EDIL3: variants seen among roughly 807,000 people sequenced by gnomAD.
The protein encoded by EDIL3 is EGF like and discoidin domains 3.
EDIL3 carries 37 observed loss-of-function variants against 67.4 expected under a neutral mutation model. That is an observed-to-expected ratio of 0.55 (90% CI 0.42 to 0.72). EDIL3 has a LOEUF of 0.72. EDIL3 is among the 30% of genes least tolerant of loss of function. The pLI is 0.00. For missense variants in EDIL3, 527 were observed against 586.3 expected (o/e 0.90, Z 1.04); for synonymous variants, 195 against 196.3 (o/e 0.99, Z 0.05).
intron 9 of EDIL3, among the ~76,000 whole-genome samples, chr5:84,024,652 G>A (rs1745779981): frequency 6.6e-6 from 1 of 152,104 alleles, no homozygotes; most frequent in Admixed American, 6.6e-5. Context: ...TCTGACTTGG[G>A]GTCCAAGTAG....
At chr5:84,142,826 C>A (rs142180096) in intron 4 of EDIL3, among the ~76,000 whole-genome samples, 34 of 147,092 alleles carry the variant, frequency 2.3e-4, no homozygotes, top group Non-Finnish European at 4.1e-4. Context: ...GGTGCCCCCC[C>A]CCCCAAGCTT....
chr5:84,346,991 T>G (rs192182501), intron 1 of EDIL3, among the ~76,000 whole-genome samples: 10 of 152,276 alleles, frequency 6.6e-5, no homozygotes, highest in Non-Finnish European at 1.5e-4. Context: ...TTAGTTTAAA[T>G]TTTTTTCTGC....
At chr5:83,949,409 T>G (rs543980336) in intron 10 of EDIL3, among the ~76,000 whole-genome samples, 1 of 151,962 alleles carries the variant, frequency 6.6e-6, no homozygotes, top group East Asian at 2.0e-4. Context: ...ATGTCCCAGT[T>G]TGTGAAAATA....
intron 9 of EDIL3, among the ~76,000 whole-genome samples, chr5:84,034,476 G>T (rs1745983055): frequency 6.6e-6 from 1 of 152,098 alleles, no homozygotes; most frequent in South Asian, 2.1e-4. Context: ...GTGTAGTCAT[G>T]AAAATAATCA....
intron 1 of EDIL3, among the ~76,000 whole-genome samples, chr5:84,384,033 TG>T (rs1748160055): frequency 6.6e-6 from 1 of 152,110 alleles, no homozygotes; most frequent in African/African-American, 2.4e-5. Flanking sequence ...TCGCTGGTCC[TG>T]GGGACGCTGT....
At chr5:84,088,599 T>C (rs1289772838) in intron 6 of EDIL3, among the ~76,000 whole-genome samples, 2 of 152,190 alleles carry the variant, frequency 1.3e-5, no homozygotes, top group Admixed American at 6.5e-5. Context: ...TAGTTTTTCT[T>C]TTTTTAATCT....
intron 5 of EDIL3, among the ~76,000 whole-genome samples, chr5:84,116,131 T>C (rs917116990): frequency 1.3e-5 from 2 of 151,664 alleles, no homozygotes; most frequent in African/African-American, 4.8e-5. Context: ...AATGTAGTTA[T>C]CTTTTCTTCA....
intron 1 of EDIL3, among the ~76,000 whole-genome samples, chr5:84,262,658 G>GTTTTTTTTTTTTTTTTTTT (rs1561238679): frequency 2.8e-5 from 1 of 35,480 alleles, no homozygotes; most frequent in Non-Finnish European, 6.0e-5. Context: ...AAGGTTGGTT[G>GTTTTTTTTTTTTTTTTTTT]GTTTTTTTTT....
chr5:84,217,198 C>G (rs1744243427), intron 3 of EDIL3, among the ~76,000 whole-genome samples: 1 of 150,300 alleles, frequency 6.7e-6, no homozygotes, highest in South Asian at 2.1e-4. Flanking sequence ...ATGAATCCAG[C>G]TAATGCAGGG....
intron 1 of EDIL3, 151 bp downstream of exon 1, chr5:84,384,157 G>T: frequency 1.1e-6 from 1 of 917,928 alleles, no homozygotes; most frequent in East Asian, 2.6e-5. Context: ...CACTTTCTCG[G>T]GGCACCCAGG....
chr5:84,088,253 A>G (rs1013346210), intron 6 of EDIL3, among the ~76,000 whole-genome samples: 2 of 152,214 alleles, frequency 1.3e-5, no homozygotes, highest in African/African-American at 4.8e-5. Context: ...AACATTCCAA[A>G]AAGTATCAGA....
At chr5:84,158,368 A>G (rs9293365) in intron 4 of EDIL3, among the ~76,000 whole-genome samples, 2,647 of 152,176 alleles carry the variant, frequency 0.017, 26 homozygotes, top group Non-Finnish European at 0.029. Flanking sequence ...AAAATAATTT[A>G]TCCAATTCCC....
intron 1 of EDIL3, among the ~76,000 whole-genome samples, chr5:84,366,988 A>G (rs1363858277): frequency 6.6e-6 from 1 of 152,200 alleles, no homozygotes; most frequent in Admixed American, 6.5e-5. Flanking sequence ...AATGGCACAA[A>G]CATATAACAA....
At chr5:84,019,447 G>A (rs1745670423) in intron 9 of EDIL3, among the ~76,000 whole-genome samples, 1 of 152,024 alleles carries the variant, frequency 6.6e-6, no homozygotes, top group Non-Finnish European at 1.5e-5. Context: ...AATGCTAAAT[G>A]ACAAGTTAAT....
intron 4 of EDIL3, among the ~76,000 whole-genome samples, chr5:84,176,560 T>C (rs1748919599): frequency 6.6e-6 from 1 of 151,318 alleles, no homozygotes. Context: ...AGTGAAGAAA[T>C]AACCTTTCTC....
intron 9 of EDIL3, among the ~76,000 whole-genome samples, chr5:83,991,261 C>G (rs1561395944): frequency 6.6e-6 from 1 of 152,058 alleles, no homozygotes; most frequent in African/African-American, 2.4e-5. Context: ...GCAAGAAACT[C>G]TTTTTTTCCA....
chr5:84,069,982 G>T (rs1024982454), intron 6 of EDIL3, among the ~76,000 whole-genome samples: 1 of 151,908 alleles, frequency 6.6e-6, no homozygotes, highest in African/African-American at 2.4e-5. Flanking sequence ...GACAGGCACC[G>T]GTAGACGCCA....
chr5:83,997,807 A>G (rs1443084545), intron 9 of EDIL3, among the ~76,000 whole-genome samples: 1 of 152,158 alleles, frequency 6.6e-6, no homozygotes, highest in East Asian at 1.9e-4. Flanking sequence ...AAATCAGGTG[A>G]GTGATCAGAG....
intron 1 of EDIL3, among the ~76,000 whole-genome samples, chr5:84,356,058 T>C (rs949252829): frequency 2.6e-5 from 4 of 152,196 alleles, no homozygotes; most frequent in African/African-American, 9.7e-5. Flanking sequence ...CTAACAATAT[T>C]AAACATAATG....
Sources: gnomAD v4.1 joint callset for allele counts (sites outside exome capture counted in the v4.1 genomes callset) on GRCh38, gnomAD v4.1.1 for gene constraint, MANE v1.5 for transcripts, NCBI Gene and HGNC (gene_info 2026-07-23, HGNC 2026-07-21) for gene names.